SLC39A11: variants seen among roughly 807,000 people sequenced by gnomAD.
SLC39A11 encodes the protein solute carrier family 39 member 11.
Under a neutral mutation model 36.1 loss-of-function variants are expected in SLC39A11, and 33 were observed. That is an observed-to-expected ratio of 0.91 (90% CI 0.69 to 1.22). The LOEUF (loss-of-function observed/expected upper bound fraction) is 1.22, where lower values mean the gene tolerates loss of function less well. SLC39A11 is among the 50% of genes most tolerant of loss of function. The pLI, the probability that SLC39A11 is intolerant of heterozygous loss-of-function variation, is 0.00. For synonymous variants in SLC39A11, 166 were observed against 170.3 expected (o/e 0.97, Z 0.20); for missense variants, 432 against 430.3 (o/e 1.00, Z -0.03).
intron 3 of SLC39A11, among the ~76,000 whole-genome samples, chr17:73,042,043 C>T (rs906221901): frequency 1.2e-4 from 19 of 152,148 alleles, no homozygotes; most frequent in Non-Finnish European, 2.9e-5. Context: ...ACCTACCCCA[C>T]ATTAGGCAAA....
At chr17:72,852,555 C>G (rs775574478) in intron 5 of SLC39A11, among the ~76,000 whole-genome samples, 18 of 152,150 alleles carry the variant, frequency 1.2e-4, no homozygotes, top group Non-Finnish European at 2.1e-4. Flanking sequence ...GGTATCCACA[C>G]CATGTGTATG....
At chr17:72,738,942 G>C (rs1466620321) in intron 6 of SLC39A11, among the ~76,000 whole-genome samples, 1 of 152,112 alleles carries the variant, frequency 6.6e-6, no homozygotes, top group Non-Finnish European at 1.5e-5. Flanking sequence ...CCCATGTTCA[G>C]GTGAAAGTGC....
At chr17:72,707,323 G>A (rs774545977) in intron 7 of SLC39A11, among the ~76,000 whole-genome samples, 17 of 152,192 alleles carry the variant, frequency 1.1e-4, no homozygotes, top group Non-Finnish European at 2.4e-4. Flanking sequence ...AGGATCATAT[G>A]AGCCCAGGAG....
At chr17:72,774,161 C>T (rs35800379) in intron 6 of SLC39A11, among the ~76,000 whole-genome samples, 11,460 of 152,174 alleles carry the variant, frequency 0.075, 511 homozygotes, top group Non-Finnish European at 0.1. Context: ...TGGAAATGTA[C>T]GTGAATAATG....
intron 5 of SLC39A11, among the ~76,000 whole-genome samples, chr17:72,939,100 T>C (rs2084936160): frequency 6.6e-6 from 1 of 151,752 alleles, no homozygotes; most frequent in East Asian, 1.9e-4. Flanking sequence ...GAGTATGGGG[T>C]TGGTCAATGT....
intron 3 of SLC39A11, among the ~76,000 whole-genome samples, chr17:73,043,337 C>A (rs1347341018): frequency 6.6e-6 from 1 of 152,064 alleles, no homozygotes; most frequent in African/African-American, 2.4e-5. Context: ...ATGATGAAAC[C>A]AGGCAGAATG....
intron 3 of SLC39A11, among the ~76,000 whole-genome samples, chr17:73,066,374 G>T (rs1041379627): frequency 6.6e-6 from 1 of 152,152 alleles, no homozygotes; most frequent in Non-Finnish European, 1.5e-5. Flanking sequence ...CCTAGAACCA[G>T]GGGAAATAAA....
At chr17:72,662,106 C>A (rs1157191128) in intron 7 of SLC39A11, among the ~76,000 whole-genome samples, 1 of 152,122 alleles carries the variant, frequency 6.6e-6, no homozygotes, top group Admixed American at 6.5e-5. Flanking sequence ...CTGTAGCCAT[C>A]AAAAGACACA....
At chr17:72,950,328 A>G (rs749596328) in intron 4 of SLC39A11, among the ~76,000 whole-genome samples, 15 of 152,158 alleles carry the variant, frequency 9.9e-5, no homozygotes, top group Non-Finnish European at 2.1e-4. Context: ...TGTCACATAA[A>G]GGCAGCTGCC....
chr17:72,687,995 G>A (rs1173353175), intron 7 of SLC39A11, among the ~76,000 whole-genome samples: 21 of 152,162 alleles, frequency 1.4e-4, no homozygotes, highest in Admixed American at 1.4e-3. Flanking sequence ...TGTATGTAAG[G>A]ATTGCATGAC....
chr17:72,848,063 G>GT (rs2079131209), intron 6 of SLC39A11, among the ~76,000 whole-genome samples: 1 of 152,226 alleles, frequency 6.6e-6, no homozygotes, highest in Non-Finnish European at 1.5e-5. Flanking sequence ...GGCAGCAGGA[G>GT]TATCATCGAT....
intron 6 of SLC39A11, among the ~76,000 whole-genome samples, chr17:72,783,901 G>T (rs1478554789): frequency 6.6e-6 from 1 of 152,166 alleles, no homozygotes; most frequent in East Asian, 1.9e-4. Context: ...ATTTTCAGGA[G>T]CCAGGGCAGC....
chr17:72,748,041 G>T (rs190219785), intron 6 of SLC39A11, among the ~76,000 whole-genome samples: 1 of 152,170 alleles, frequency 6.6e-6, no homozygotes, highest in Non-Finnish European at 1.5e-5. Flanking sequence ...TATCAATAAG[G>T]CCAGGTGCAG....
intron 6 of SLC39A11, among the ~76,000 whole-genome samples, chr17:72,794,781 C>T (rs1362025842): frequency 6.6e-6 from 1 of 152,042 alleles, no homozygotes; most frequent in African/African-American, 2.4e-5. Flanking sequence ...TCCTCTCTGC[C>T]CCTCTGAATT....
intron 5 of SLC39A11, among the ~76,000 whole-genome samples, chr17:72,933,936 T>A (rs1429958210): frequency 1.3e-5 from 2 of 152,072 alleles, no homozygotes; most frequent in Admixed American, 6.5e-5. Context: ...CAAACAAATA[T>A]GGCTCACGAA....
chr17:72,650,133 G>A (rs2069782676), intron 7 of SLC39A11, among the ~76,000 whole-genome samples: 1 of 152,210 alleles, frequency 6.6e-6, no homozygotes, highest in Non-Finnish European at 1.5e-5. Flanking sequence ...ATCTGGCTCT[G>A]GGCTCAGCTT....
At chr17:72,795,845 G>A (rs1215247811) in intron 6 of SLC39A11, among the ~76,000 whole-genome samples, 1 of 152,068 alleles carries the variant, frequency 6.6e-6, no homozygotes, top group Admixed American at 6.5e-5. Flanking sequence ...GGAAGACAAG[G>A]ACTATTATAA....
chr17:72,693,723 C>T (rs2072147437), intron 7 of SLC39A11, among the ~76,000 whole-genome samples: 2 of 152,144 alleles, frequency 1.3e-5, no homozygotes, highest in Non-Finnish European at 2.9e-5. Context: ...AGTACAATGG[C>T]GCAATCTCGG....
intron 7 of SLC39A11, among the ~76,000 whole-genome samples, chr17:72,728,829 G>A (rs934846642): frequency 6.6e-6 from 1 of 151,950 alleles, no homozygotes; most frequent in Non-Finnish European, 1.5e-5. Context: ...TTCACTCCAC[G>A]GCACGAGATT....
Sources: allele counts gnomAD v4.1 joint callset (sites outside exome capture counted in the v4.1 genomes callset), GRCh38; gene constraint gnomAD v4.1.1; transcripts MANE v1.5; gene names NCBI Gene and HGNC (gene_info 2026-07-23, HGNC 2026-07-21).